The following CCDC88C variants were observed in gnomAD, a reference collection of about 807,000 sequenced individuals.
CCDC88C encodes protein Daple.
A neutral mutation model predicts 198.8 loss-of-function variants in CCDC88C; 131 were observed. The observed-to-expected ratio is 0.66, with a 90% CI of 0.57 to 0.76. The LOEUF is 0.76. Ranked by LOEUF, CCDC88C falls within the 30% of genes least tolerant of loss-of-function variation. The pLI, the probability that CCDC88C is intolerant of heterozygous loss-of-function variation, is 0.00. For synonymous variants in CCDC88C, 1,166 were observed against 1,114.7 expected, an observed-to-expected ratio of 1.05 and a Z score of -0.92; for missense variants, 2,553 against 2,631.6, an observed-to-expected ratio of 0.97 and a Z score of 0.65.
intron 3 of CCDC88C, among the ~76,000 whole-genome samples, chr14:91,390,197 G>A (rs373418277): frequency 1.3e-5 from 2 of 152,206 alleles, no homozygotes; most frequent in East Asian, 3.9e-4. Context: ...CTTTCAAGGC[G>A]GGGCTGGGGT....
Position 91,284,462 on chromosome 14 carries a change from C to T in CCDC88C, c.4442-945G>A, listed in dbSNP as rs564715344. Reference sequence around the variant, plus strand: ...AAGCAAGATTCAAGTCTGCCTGAATCGGGACAGGTGGAATGAATCGGGACA... The same window carrying T: ...AAGCAAGATTCAAGTCTGCCTGAATTGGGACAGGTGGAATGAATCGGGACA... On this transcript the variant is annotated intron_variant, in intron 25 of 29. Coordinates refer to ENST00000389857, the MANE Select transcript of CCDC88C (RefSeq NM_001080414.4). This position sits in a 1 kb window ranked among gnomAD's most constrained non-coding sequence, Gnocchi z 4.1. Among the ~76,000 whole-genome samples, 14 of 152,266 alleles carry T rather than the reference C, an allele frequency of 9.2e-5. No homozygotes were observed. The highest frequency in any genetic ancestry group is 3.4e-4 in the African/African-American group (14 of 41,548).
chr14:91,342,503 G>A, intron 5 of CCDC88C, 40 bp from the exon 6 acceptor site: 1 of 1,341,910 alleles, frequency 7.5e-7, no homozygotes, highest in Non-Finnish European at 1.0e-6. Flanking sequence ...CGCTGTTCAA[G>A]TGAGGGTGAA....
rs75140150 is a variant in CCDC88C, at chr14:91,416,427, T to C, written c.161+311A>G. 2.6e-5 allele frequency among the ~76,000 whole-genome samples: 4 copies of C among 152,338 alleles called. No homozygotes were observed. In the East Asian group the frequency reaches 7.7e-4, roughly 29 times the overall value. On this transcript the variant is annotated intron_variant, in intron 2 of 29. Coordinates refer to ENST00000389857, the MANE Select transcript of CCDC88C (RefSeq NM_001080414.4). ...CCTTGCCCTCCAAAAGGGGACTTTT[T>C]CATTTCATTGCTCAAACCACAATTA...
chr14:91,305,811 A>G lies in CCDC88C; in HGVS notation c.3311T>C (p.Leu1104Pro). ...CTGCAGTGTGGTGTTGTGCTCCTGC[A>G]GGAAGGCGCTCTGTTTCTGCAGTGT... ...ILTLQKQSAF[L>P]QEHNTTLQTQ... Residue 1104 changes from leucine (L) to proline (P), a missense_variant, in exon 19 of 30, where the codon CTG becomes CCG. Coordinates refer to ENST00000389857, the MANE Select transcript of CCDC88C (RefSeq NM_001080414.4). 6.2e-7 allele frequency: 1 copy of G among 1,613,800 alleles called. No individual in the cohort carries two copies. Among genetic ancestry groups the G allele is most frequent in the Non-Finnish European group, 8.5e-7 (1 of 1,179,716 alleles).
Position 91,338,139 on chromosome 14 carries a change from G to A in CCDC88C, c.916C>T (p.Arg306Trp), listed in dbSNP as rs758696821. ...QENIQLAADA[R>W]SARAYRDELD... Reference sequence around the variant, plus strand: ...TCGTCTCGATAGGCACGAGCAGACCGGGCGTCTGCCGCTAGCTGGATGTTC... The same window carrying A: ...TCGTCTCGATAGGCACGAGCAGACCAGGCGTCTGCCGCTAGCTGGATGTTC... Residue 306 changes from arginine (R) to tryptophan (W), a missense_variant, in exon 10 of 30, where the codon CGG (arginine) becomes TGG (tryptophan). Arg to Trp is a moderately radical substitution (Grantham distance 101). Around this residue, in one of 2 missense-constraint regions of CCDC88C, gnomAD observed 1,260 missense variants for 1,412.0 expected, o/e 0.89. Coordinates refer to ENST00000389857, the MANE Select transcript of CCDC88C (RefSeq NM_001080414.4). This position sits in a 1 kb window ranked among gnomAD's most constrained non-coding sequence, Gnocchi z 4.8. 4.2e-5 allele frequency: 68 copies of A among 1,613,714 alleles called. No individual in the cohort carries two copies. Among genetic ancestry groups the A allele is most frequent in the Middle Eastern group, 1.6e-4 (1 of 6,084 alleles).
intron 2 of CCDC88C, among the ~76,000 whole-genome samples, chr14:91,412,421 A>ATAG (rs1412805452): frequency 6.9e-6 from 1 of 145,606 alleles, no homozygotes; most frequent in Non-Finnish European, 1.5e-5. Context: ...TAAGATGAAC[A>ATAG]TAGTTTGTGT....
chr14:91,338,430 T>C lies in CCDC88C; in HGVS notation c.891+59A>G, dbSNP rs997957765. ...TGAGCTCCTGACCCTCCAGGCCCCG[T>C]TACTGGACACTCCAGCCCTGCTACC... On this transcript the variant is annotated intron_variant, in intron 9 of 29. Transcript: ENST00000389857. The surrounding 1 kb of genome is among the most constrained non-coding windows in gnomAD (Gnocchi z 4.8). 1 of 1,436,998 alleles carries C rather than the reference T, an allele frequency of 7.0e-7. No individual in the cohort carries two copies. Among genetic ancestry groups the C allele is most frequent in the Non-Finnish European group, 9.6e-7 (1 of 1,043,090 alleles). The allele number at this position is 1,436,998 out of a possible 1,614,324, so 89.0% of individuals were successfully genotyped here.
At chr14:91,392,038 T>C (rs1885537908) in intron 3 of CCDC88C, among the ~76,000 whole-genome samples, 1 of 152,116 alleles carries the variant, frequency 6.6e-6, no homozygotes, top group South Asian at 2.1e-4. Flanking sequence ...AGTTGCCTCA[T>C]GAGTTCACTC....
chr14:91,360,060 G>A (rs990606912), intron 3 of CCDC88C, among the ~76,000 whole-genome samples: 1 of 152,162 alleles, frequency 6.6e-6, no homozygotes, highest in African/African-American at 2.4e-5. Context: ...GACATGCTAG[G>A]ACAGCAGTAT....
At chr14:91,348,405 G>A (rs1241509874) in intron 4 of CCDC88C, among the ~76,000 whole-genome samples, 1 of 151,926 alleles carries the variant, frequency 6.6e-6, no homozygotes, top group Non-Finnish European at 1.5e-5. Flanking sequence ...CTGAGCCTGG[G>A]AGGGTGAAGC....
intron 4 of CCDC88C, among the ~76,000 whole-genome samples, chr14:91,345,190 A>ATATTTTTTTTT (rs1246878587): frequency 1.9e-5 from 1 of 52,204 alleles, no homozygotes. Context: ...ATATATATAT[A>ATATTTTTTTTT]TTTTTTTTTT....
intron 27 of CCDC88C, chr14:91,279,553 C>A: frequency 2.7e-6 from 1 of 370,888 alleles, no homozygotes; most frequent in Non-Finnish European, 4.9e-6. Flanking sequence ...TTTATGAGGC[C>A]TGGGGCTGCA....
In CCDC88C at chr14:91,293,402, TCCTG is replaced by T. The variant is rs1330578653; in HGVS notation, c.4112+767_4112+770del. 3.9e-3 allele frequency among the ~76,000 whole-genome samples: 90 copies of T among 22,824 alleles called. 5 individuals are homozygous for T. Among genetic ancestry groups the T allele is most frequent in the Middle Eastern group, 0.036 (1 of 28 alleles). 15.0% of individuals were successfully genotyped at this position (22,824 alleles called of 152,430 possible). On this transcript the variant is annotated intron_variant, in intron 23 of 29. Coordinates refer to ENST00000389857, the MANE Select transcript of CCDC88C (RefSeq NM_001080414.4). ...CCCCCTCGCCTGCCACAGCCCACCT[TCCTG>T]CCCCCTCACCTGCCACGGCCCACCT...
At position 91,389,898 on chromosome 14, in the gene CCDC88C, C is replaced by G. The variant is rs568010720; in HGVS notation, c.270+18761G>C. 3.4e-3 allele frequency among the ~76,000 whole-genome samples: 512 copies of G among 151,706 alleles called. 1 individual carries two copies. The highest frequency in any genetic ancestry group is 0.014 in the Middle Eastern group (4 of 294). ...CCATCCTGGCTAACACGGTGAAACC[C>G]CATCTCTACTAAAAATACAAAAAAT... On this transcript the variant is annotated intron_variant, in intron 3 of 29. Transcript: ENST00000389857.
intron 4 of CCDC88C, among the ~76,000 whole-genome samples, chr14:91,357,101 C>T (rs531027933): frequency 5.2e-4 from 79 of 152,242 alleles, no homozygotes; most frequent in South Asian, 2.1e-4. Flanking sequence ...GGTTTGGGGG[C>T]GGACAGAGCA....
chr14:91,324,598 C>G (rs1231959003), intron 12 of CCDC88C, among the ~76,000 whole-genome samples, 181 bp downstream of exon 12: 1 of 152,210 alleles, frequency 6.6e-6, no homozygotes, highest in Non-Finnish European at 1.5e-5. Flanking sequence ...GCTGCCAGAC[C>G]CCTCGTGTCT....
chr14:91,353,996 G>T (rs1365948307), intron 4 of CCDC88C, among the ~76,000 whole-genome samples: 6 of 152,172 alleles, frequency 3.9e-5, no homozygotes, highest in Non-Finnish European at 8.8e-5. Context: ...GTCCACAAAA[G>T]TAACCATCTG....
chr14:91,345,190 A>ATTTTTTTT (rs58941451), intron 4 of CCDC88C, among the ~76,000 whole-genome samples: 71 of 52,202 alleles, frequency 1.4e-3, no homozygotes, highest in Non-Finnish European at 1.8e-3. Flanking sequence ...ATATATATAT[A>ATTTTTTTT]TTTTTTTTTT....
intron 4 of CCDC88C, among the ~76,000 whole-genome samples, chr14:91,354,882 C>A (rs1169100803): frequency 3.3e-5 from 5 of 152,172 alleles, no homozygotes; most frequent in African/African-American, 1.2e-4. Flanking sequence ...ACAGTATAGG[C>A]TATTCACAGG....
Sources: allele counts gnomAD v4.1 joint callset (sites outside exome capture counted in the v4.1 genomes callset), GRCh38; gene constraint gnomAD v4.1.1; regional missense constraint gnomAD v4.1.1; non-coding constraint Gnocchi (gnomAD v3.1); transcripts MANE v1.5; gene names NCBI Gene and HGNC (gene_info 2026-07-23, HGNC 2026-07-21).